The following SBF2 variants were observed in gnomAD, a reference collection of about 807,000 sequenced individuals.
SBF2 encodes the protein SET binding factor 2, also known as myotubularin-related protein 13.
A neutral mutation model predicts 225.2 loss-of-function variants in SBF2; 112 were observed. The observed-to-expected ratio is 0.50, with a 90% CI of 0.43 to 0.58. The LOEUF is 0.58. SBF2 is among the 20% of genes least tolerant of loss of function. The probability of loss-of-function intolerance (pLI) is 0.00; values close to 1 mark genes in which losing one functional copy is unlikely to be tolerated. For missense variants in SBF2, 1,996 were observed against 2,206.2 expected, an observed-to-expected ratio of 0.90 and a Z score of 1.91; for synonymous variants, 763 against 773.3, an observed-to-expected ratio of 0.99 and a Z score of 0.22.
chr11:10,274,747 T>C (rs1372819719), intron 1 of SBF2, among the ~76,000 whole-genome samples: 6 of 96,944 alleles, frequency 6.2e-5, no homozygotes, highest in Admixed American at 3.5e-4. Context: ...CAAGACTCCA[T>C]CTCAAAAAAA....
intron 1 of SBF2, among the ~76,000 whole-genome samples, chr11:10,218,568 A>G (rs937684611): frequency 6.6e-6 from 1 of 152,138 alleles, no homozygotes; most frequent in Admixed American, 6.5e-5. Flanking sequence ...AGTCTCATCC[A>G]AGACAAGACA....
intron 16 of SBF2, among the ~76,000 whole-genome samples, chr11:9,956,298 C>T (rs757039768): frequency 5.3e-5 from 8 of 152,136 alleles, no homozygotes; most frequent in Non-Finnish European, 8.8e-5. Context: ...TGATAGAGTA[C>T]GCTTCATATG....
intron 28 of SBF2, among the ~76,000 whole-genome samples, chr11:9,822,773 G>C (rs1365686231): frequency 6.6e-6 from 1 of 152,130 alleles, no homozygotes; most frequent in East Asian, 1.9e-4. Flanking sequence ...GAGATGCTTA[G>C]GTCACATGTG....
rs552183373 is a variant in SBF2, at chr11:9,806,681, C to T, written c.4443+1319G>A. 2.6e-5 allele frequency among the ~76,000 whole-genome samples: 4 copies of T among 152,266 alleles called. No individual in the cohort carries two copies. In the East Asian group the frequency reaches 7.7e-4, roughly 29 times the overall value. On this transcript the variant is annotated intron_variant, in intron 32 of 39. Transcript: ENST00000256190. ...CTGCTTGGACAGATCAATTGAAATT[C>T]GTCAATCGGTCTTGTCTTTAATAAG...
Position 9,832,401 on chromosome 11 carries a change from C to G in SBF2, c.3475G>C (p.Val1159Leu). The G allele has an allele frequency of 6.2e-7, 1 of 1,612,872 alleles. No individual in the cohort carries two copies. The highest frequency in any genetic ancestry group is 8.5e-7 in the Non-Finnish European group (1 of 1,179,600). ...CTACTGTCCTGTACAGCTTGAGGTA[C>G]GACTAAAAGGCCAGGATAGCTTCAG... ...LCRSYPGLLV[V>L]PQAVQDSSLP... Residue 1159 changes from valine (V) to leucine (L), a missense_variant, in exon 27 of 40, where the codon GTA becomes CTA. Coordinates refer to ENST00000256190, the MANE Select transcript of SBF2 (RefSeq NM_030962.4).
intron 2 of SBF2, among the ~76,000 whole-genome samples, chr11:10,046,222 C>G (rs1590829647): frequency 6.6e-6 from 1 of 152,136 alleles, no homozygotes; most frequent in African/African-American, 2.4e-5. Context: ...AACTGTATAC[C>G]AATTATCTGC....
At chr11:10,239,413 T>C (rs1959178422) in intron 1 of SBF2, among the ~76,000 whole-genome samples, 1 of 150,576 alleles carries the variant, frequency 6.6e-6, no homozygotes, top group African/African-American at 2.4e-5. Flanking sequence ...CAATAAAAAC[T>C]GGAAAATATG....
chr11:9,965,746 G>A (rs989863491), intron 14 of SBF2, among the ~76,000 whole-genome samples: 2 of 152,180 alleles, frequency 1.3e-5, no homozygotes, highest in African/African-American at 4.8e-5. Flanking sequence ...TACAATGAAT[G>A]AGACTATAGA....
chr11:9,805,715 C>G (rs568793643), intron 32 of SBF2, among the ~76,000 whole-genome samples: 1 of 152,112 alleles, frequency 6.6e-6, no homozygotes. Flanking sequence ...CTCCGCCTCC[C>G]GGGTTCAAGC....
At position 9,840,687 on chromosome 11, in the gene SBF2, T is replaced by C. The variant is rs56004091; in HGVS notation, c.3257-991A>G. Reference sequence around the variant, plus strand: ...TCAGTTTACTTTTCAGACTATAAACTTTTATTAGAAATTTCTGGATTAACC... The same window carrying C: ...TCAGTTTACTTTTCAGACTATAAACCTTTATTAGAAATTTCTGGATTAACC... On this transcript the variant is annotated intron_variant, in intron 25 of 39. Coordinates refer to ENST00000256190, the MANE Select transcript of SBF2 (RefSeq NM_030962.4). Among the ~76,000 whole-genome samples the C allele has an allele frequency of 7.9e-3, 1,197 of 152,310 alleles. 20 individuals are homozygous for C. The highest frequency in any genetic ancestry group is 0.027 in the African/African-American group (1,112 of 41,562).
chr11:10,240,259 CA>C (rs555675542), intron 1 of SBF2, among the ~76,000 whole-genome samples: 26,348 of 93,030 alleles, frequency 0.28, 2,307 homozygotes, highest in Middle Eastern at 0.4. Context: ...ATTAAAAGAA[CA>C]AAAAAAAAAA....
intron 2 of SBF2, among the ~76,000 whole-genome samples, chr11:10,055,526 C>CTG (rs1240306437): frequency 1.3e-3 from 1 of 742 alleles, no homozygotes; most frequent in Non-Finnish European, 5.8e-3. Context: ...GAAAATGATA[C>CTG]ACACACACAC....
chr11:10,223,722 A>T (rs569706833), intron 1 of SBF2, among the ~76,000 whole-genome samples: 1 of 152,038 alleles, frequency 6.6e-6, no homozygotes, highest in Non-Finnish European at 1.5e-5. Context: ...TGAGTCCCAT[A>T]GTGTTATTCA....
chr11:9,796,667 C>A (rs561514856), intron 32 of SBF2, among the ~76,000 whole-genome samples: 7 of 152,098 alleles, frequency 4.6e-5, no homozygotes, highest in Non-Finnish European at 8.8e-5. Context: ...GAATGAGGCT[C>A]GGGCCTAGAT....
intron 2 of SBF2, among the ~76,000 whole-genome samples, chr11:10,190,988 C>A (rs1957145186): frequency 6.6e-6 from 1 of 152,118 alleles, no homozygotes; most frequent in South Asian, 2.1e-4. Flanking sequence ...TGTTAGATCT[C>A]AGTAAAGTTA....
intron 1 of SBF2, among the ~76,000 whole-genome samples, chr11:10,288,904 GCT>G (rs1307296589): frequency 1.8e-4 from 28 of 152,324 alleles, no homozygotes; most frequent in Non-Finnish European, 3.7e-4. Context: ...AGGACTGGCA[GCT>G]GGGCCCCCAG....
chr11:9,807,367 C>T lies in SBF2; in HGVS notation c.4443+633G>A, dbSNP rs549999305. On this transcript the variant is annotated intron_variant, in intron 32 of 39. Transcript: ENST00000256190. ...GCATTTGAATGGATATACCTGGGCTCCCACTTATAAGTGAGAACATGAGGT... is the reference window on the plus strand; with the variant it reads ...GCATTTGAATGGATATACCTGGGCTTCCACTTATAAGTGAGAACATGAGGT... 2.3e-4 allele frequency among the ~76,000 whole-genome samples: 35 copies of T among 152,310 alleles called. 1 individual carries two copies. Among genetic ancestry groups the T allele is most frequent in the South Asian group, 1.9e-3 (9 of 4,818 alleles).
At chr11:10,191,550 G>A (rs1424950649) in intron 2 of SBF2, among the ~76,000 whole-genome samples, 7 of 152,156 alleles carry the variant, frequency 4.6e-5, no homozygotes, top group African/African-American at 9.7e-5. Context: ...AATTTCTGAC[G>A]TAATCCAACA....
intron 16 of SBF2, among the ~76,000 whole-genome samples, chr11:9,908,774 T>A (rs1047498510): frequency 1.3e-5 from 2 of 152,026 alleles, no homozygotes; most frequent in African/African-American, 4.8e-5. Context: ...TTTGGCTCAC[T>A]GTAGCCTTGA....
Sources: gnomAD v4.1 joint callset for allele counts (sites outside exome capture counted in the v4.1 genomes callset) on GRCh38, gnomAD v4.1.1 for gene constraint, MANE v1.5 for transcripts, NCBI Gene and HGNC (gene_info 2026-07-23, HGNC 2026-07-21) for gene names.